Variants in LRRC9 observed in about 807,000 individuals in gnomAD.
The protein encoded by LRRC9 is leucine-rich repeat-containing protein 9.
A neutral mutation model predicts 63.2 loss-of-function variants in LRRC9; 122 were observed. The observed-to-expected ratio is 1.93, with a 90% CI of 1.67 to 2.24. The LOEUF is 2.24. LRRC9 is among the 30% of genes most tolerant of loss of function. The pLI is 0.00. For synonymous variants in LRRC9, 366 were observed against 213.1 expected, an observed-to-expected ratio of 1.72 and a Z score of -6.25; for missense variants, 1,071 against 627.7, an observed-to-expected ratio of 1.71 and a Z score of -7.55.
chr14:59,952,446 A>G (rs1012345239), intron 8 of LRRC9, among the ~76,000 whole-genome samples: 2 of 152,128 alleles, frequency 1.3e-5, no homozygotes, highest in Admixed American at 6.5e-5. Context: ...GGAAATGCAG[A>G]AATCACCCGT....
At chr14:59,970,661 T>C (rs1167515730) in intron 12 of LRRC9, among the ~76,000 whole-genome samples, 2 of 152,232 alleles carry the variant, frequency 1.3e-5, no homozygotes, top group African/African-American at 4.8e-5. Flanking sequence ...GTGGTTTTGA[T>C]TTGCATTTCT....
Position 60,053,383 on chromosome 14 carries a change from TCACACACA to T in LRRC9, c.4131+209_4131+216del, listed in dbSNP as rs140525122. 1.2e-4 allele frequency among the ~76,000 whole-genome samples: 10 copies of T among 85,616 alleles called. No homozygotes were observed. Among genetic ancestry groups the T allele is most frequent in the East Asian group, 3.3e-4 (1 of 2,994 alleles). The allele number at this position is 85,616 out of a possible 152,430, so 56.2% of individuals were successfully genotyped here. A position where few individuals can be genotyped will look rare whatever the true frequency, so the allele number is the denominator to read the frequency against. ...GATTTGGTGAATAGAGCATGCGTGCTCACACACACACACACACACACACACACACACAC... is the reference window on the plus strand; with the variant it reads ...GATTTGGTGAATAGAGCATGCGTGCTCACACACACACACACACACACACAC... On this transcript the variant is annotated intron_variant, in intron 30 of 31. Coordinates refer to ENST00000445360, the Ensembl canonical transcript of LRRC9. This position sits in a 1 kb window ranked among gnomAD's most constrained non-coding sequence, Gnocchi z 4.8.
intron 17 of LRRC9, among the ~76,000 whole-genome samples, chr14:59,985,719 G>A (rs1376079359): frequency 3.3e-5 from 5 of 151,872 alleles, no homozygotes; most frequent in East Asian, 1.9e-4. Flanking sequence ...TTGTAATTAC[G>A]GCTTCATATC....
chr14:60,055,885 A>C (rs1269201043), intron 30 of LRRC9, among the ~76,000 whole-genome samples: 1 of 148,986 alleles, frequency 6.7e-6, no homozygotes, highest in African/African-American at 2.5e-5. Context: ...AGCCTGGGTG[A>C]CAAAGCAAGA....
chr14:59,977,660 C>T (rs186587888), intron 14 of LRRC9, among the ~76,000 whole-genome samples: 2 of 150,272 alleles, frequency 1.3e-5, no homozygotes, highest in East Asian at 2.0e-4. Context: ...TAGAGAAATA[C>T]GTTTGTCAAA....
At chr14:59,960,692 T>C (rs751728712) in intron 9 of LRRC9, among the ~76,000 whole-genome samples, 2 of 152,210 alleles carry the variant, frequency 1.3e-5, no homozygotes, top group Non-Finnish European at 2.9e-5. Flanking sequence ...GCAAGGATAG[T>C]CTTCTAGCCT....
At chr14:60,002,163 T>A (rs913939139) in intron 20 of LRRC9, 63 bp downstream of exon 20, 1 of 625,494 alleles carries the variant, frequency 1.6e-6, no homozygotes, top group African/African-American at 1.8e-5. Flanking sequence ...TAAGTCAGTG[T>A]TGGTCTGTGT....
chr14:59,927,041 G>A lies in LRRC9; in HGVS notation c.-33-870G>A, dbSNP rs1889268650. Reference sequence around the variant, plus strand: ...CCATCCAGCTTTACATTTGTATTCTGGCCACAAAGGCTTTCACCTGCATCT... The same window carrying A: ...CCATCCAGCTTTACATTTGTATTCTAGCCACAAAGGCTTTCACCTGCATCT... On this transcript the variant is annotated intron_variant, in intron 1 of 31. Coordinates refer to ENST00000445360, the Ensembl canonical transcript of LRRC9. The surrounding 1 kb of genome is among the most constrained non-coding windows in gnomAD (Gnocchi z 4.4). Among the ~76,000 whole-genome samples the A allele has an allele frequency of 6.6e-6, 1 of 151,694 alleles. No homozygotes were observed. Among genetic ancestry groups the A allele is most frequent in the African/African-American group, 2.4e-5 (1 of 41,298 alleles).
intron 26 of LRRC9, among the ~76,000 whole-genome samples, chr14:60,020,015 A>T (rs1890999071): frequency 6.6e-6 from 1 of 151,858 alleles, no homozygotes; most frequent in South Asian, 2.1e-4. Context: ...GTAAGTGTAA[A>T]GTTTAATGAA....
At chr14:59,960,074 G>C in intron 9 of LRRC9, 60 bp downstream of exon 9, 1 of 576,028 alleles carries the variant, frequency 1.7e-6, no homozygotes, top group Non-Finnish European at 3.1e-6. Flanking sequence ...AGAATGTTTT[G>C]GGCCATCAGT....
intron 17 of LRRC9, among the ~76,000 whole-genome samples, chr14:59,995,008 TA>T (rs10676113): frequency 3.6e-4 from 54 of 149,644 alleles, no homozygotes; most frequent in African/African-American, 1.2e-3. Context: ...GAAAGTATAA[TA>T]AAAAAAAAAG....
intron 23 of LRRC9, among the ~76,000 whole-genome samples, chr14:60,015,545 T>G (rs1159244631): frequency 6.6e-6 from 1 of 152,128 alleles, no homozygotes; most frequent in African/African-American, 2.4e-5. Flanking sequence ...ACTGCTAGGC[T>G]AGAGTTGGAG....
intron 1 of LRRC9, among the ~76,000 whole-genome samples, chr14:59,921,891 C>G (rs1888813002): frequency 6.6e-6 from 1 of 151,800 alleles, no homozygotes; most frequent in Non-Finnish European, 1.5e-5. Flanking sequence ...CGAGATTAGC[C>G]TGGCCAATAT....
intron 27 of LRRC9, among the ~76,000 whole-genome samples, chr14:60,025,258 T>A (rs957183251): frequency 2.6e-5 from 4 of 151,674 alleles, no homozygotes; most frequent in Non-Finnish European, 5.9e-5. Flanking sequence ...GCCTGGCTAA[T>A]TTTTTAATTT....
At chr14:59,973,100 C>T (rs1029457426) in intron 12 of LRRC9, among the ~76,000 whole-genome samples, 1 of 151,824 alleles carries the variant, frequency 6.6e-6, no homozygotes, top group African/African-American at 2.4e-5. Flanking sequence ...TATTTGTATA[C>T]CTTCATGTTT....
At position 60,004,180 on chromosome 14, in the gene LRRC9, C is replaced by T. The variant is rs1889622981; in HGVS notation, c.2842+382C>T. ...TCCTGTGCCTTCTCTCCCCTCTCCT[C>T]TGTGCTAGTTTATAATCTGTTACCA... On this transcript the variant is annotated intron_variant, in intron 21 of 31. Coordinates refer to ENST00000445360, the Ensembl canonical transcript of LRRC9. The surrounding 1 kb of genome is among the most constrained non-coding windows in gnomAD (Gnocchi z 4.8). 6.6e-6 allele frequency among the ~76,000 whole-genome samples: 1 copy of T among 152,186 alleles called. No individual in the cohort carries two copies. The highest frequency in any genetic ancestry group is 2.4e-5 in the African/African-American group (1 of 41,460).
rs1379825874 is a variant in LRRC9, at chr14:59,938,884, C to T, written c.726+312C>T. On this transcript the variant is annotated intron_variant, in intron 7 of 31. Coordinates refer to ENST00000445360, the Ensembl canonical transcript of LRRC9. The surrounding 1 kb of genome is among the most constrained non-coding windows in gnomAD (Gnocchi z 4.2). ...GACTAGTGCCATATATATATACACA[C>T]ATATATACACATATATATACATATA... Among the ~76,000 whole-genome samples the T allele has an allele frequency of 7.3e-6, 1 of 136,372 alleles. No individual in the cohort carries two copies. The highest frequency in any genetic ancestry group is 1.6e-5 in the Non-Finnish European group (1 of 64,420). The allele number at this position is 136,372 out of a possible 152,430, so 89.5% of individuals were successfully genotyped here. A position where few individuals can be genotyped will look rare whatever the true frequency, so the allele number is the denominator to read the frequency against.
In LRRC9 at chr14:60,031,249, AT is replaced by A. The variant is rs1346059956; in HGVS notation, c.3922-745del. Among the ~76,000 whole-genome samples, 11 of 152,078 alleles carry A rather than the reference AT, an allele frequency of 7.2e-5. No individual in the cohort carries two copies. Among genetic ancestry groups the A allele is most frequent in the Non-Finnish European group, 1.5e-4 (10 of 67,954 alleles). On this transcript the variant is annotated intron_variant, in intron 28 of 31. Coordinates refer to ENST00000445360, the Ensembl canonical transcript of LRRC9. This position sits in a 1 kb window ranked among gnomAD's most constrained non-coding sequence, Gnocchi z 4.6. ...CAAATTCACTTCCACATGATCTAAA[AT>A]AGGTCTAAATATTTTTACAGTTACT...
At chr14:59,993,628 C>A (rs1888415876) in intron 17 of LRRC9, among the ~76,000 whole-genome samples, 1 of 151,942 alleles carries the variant, frequency 6.6e-6, no homozygotes, top group Non-Finnish European at 1.5e-5. Context: ...ATCTACCAAG[C>A]AAATGGAAAA....
Sources: gnomAD v4.1 joint callset for allele counts (sites outside exome capture counted in the v4.1 genomes callset) on GRCh38, gnomAD v4.1.1 for gene constraint, Gnocchi (gnomAD v3.1) non-coding constraint, MANE v1.5 for transcripts, NCBI Gene and HGNC (gene_info 2026-07-23, HGNC 2026-07-21) for gene names.